Variants in HDAC8 observed in about 807,000 individuals in gnomAD.
HDAC8 encodes the protein histone deacetylase 8.
In HDAC8, 1 loss-of-function variant was observed where a neutral mutation model predicts 32.2. The ratio of observed to expected loss-of-function variants is 0.03; its 90% CI spans 0.01 to 0.15. The LOEUF (loss-of-function observed/expected upper bound fraction) is 0.15. Ranked by LOEUF, HDAC8 falls within the 10% of genes least tolerant of loss-of-function variation. The pLI, the probability that HDAC8 is intolerant of heterozygous loss-of-function variation, is 1.00. For missense variants in HDAC8, 117 were observed against 300.0 expected, an observed-to-expected ratio of 0.39 and a Z score of 4.51; for synonymous variants, 108 against 113.9, an observed-to-expected ratio of 0.95 and a Z score of 0.33.
At chrX:72,550,627 T>C (rs781843842) in intron 4 of HDAC8, among the ~76,000 whole-genome samples, 2 of 110,853 alleles carry the variant, frequency 1.8e-5, no homozygotes, top group African/African-American at 3.3e-5. Flanking sequence ...GCCCACTAAA[T>C]TGATATAATG....
At chrX:72,408,794 G>A (rs782363859) in intron 9 of HDAC8, among the ~76,000 whole-genome samples, 1 of 111,648 alleles carries the variant, frequency 9.0e-6, no homozygotes, top group East Asian at 2.8e-4. Context: ...CAGCAAGAAG[G>A]GCCTATGTGG....
At chrX:72,332,917 G>T (rs895217803) in intron 10 of HDAC8, among the ~76,000 whole-genome samples, 2 of 111,520 alleles carry the variant, frequency 1.8e-5, no homozygotes, top group Admixed American at 9.5e-5. Flanking sequence ...CTCCCAAAGT[G>T]CTGGGATTAC....
intron 4 of HDAC8, among the ~76,000 whole-genome samples, chrX:72,542,804 C>T (rs983977395): frequency 6.2e-5 from 7 of 112,085 alleles, no homozygotes; most frequent in Admixed American, 1.9e-4. Flanking sequence ...AGTCTGTGCC[C>T]AAATGAAATC....
intron 9 of HDAC8, among the ~76,000 whole-genome samples, chrX:72,425,634 C>T (rs781813004): frequency 8.9e-6 from 1 of 112,121 alleles, no homozygotes; most frequent in South Asian, 3.7e-4. Context: ...GATAAACTAA[C>T]TACTTCCTAA....
At chrX:72,414,128 C>T (rs1555971082) in intron 9 of HDAC8, among the ~76,000 whole-genome samples, 2 of 112,255 alleles carry the variant, frequency 1.8e-5, no homozygotes, top group Non-Finnish European at 3.8e-5. Context: ...TGGTTTTACC[C>T]ATTAAATTAC....
chrX:72,522,508 T>G (rs2050013080), intron 4 of HDAC8, among the ~76,000 whole-genome samples: 1 of 112,256 alleles, frequency 8.9e-6, no homozygotes, highest in Non-Finnish European at 1.9e-5. Flanking sequence ...TTTTTAATCT[T>G]CATCTTACTT....
intron 4 of HDAC8, among the ~76,000 whole-genome samples, chrX:72,563,249 T>C (rs909473286): frequency 8.9e-6 from 1 of 111,750 alleles, no homozygotes; most frequent in Non-Finnish European, 1.9e-5. Context: ...TTATAATCAT[T>C]ATTTAAAATA....
chrX:72,508,036 A>T (rs1210622069), intron 4 of HDAC8, among the ~76,000 whole-genome samples: 1 of 112,243 alleles, frequency 8.9e-6, no homozygotes, highest in African/African-American at 3.2e-5. Context: ...AGGCACAACC[A>T]GATACCTGCT....
At chrX:72,498,550 T>C (rs781821864) in intron 4 of HDAC8, among the ~76,000 whole-genome samples, 1 of 111,965 alleles carries the variant, frequency 8.9e-6, no homozygotes, top group Non-Finnish European at 1.9e-5. Context: ...TTCCAGTCAT[T>C]AGTTTTCAAC....
chrX:72,391,221 T>C (rs2045603973), intron 9 of HDAC8, among the ~76,000 whole-genome samples: 1 of 112,143 alleles, frequency 8.9e-6, no homozygotes, highest in African/African-American at 3.2e-5. Flanking sequence ...GAATCTGTGT[T>C]ACTGAGGACT....
chrX:72,378,403 C>T (rs1445287043), intron 9 of HDAC8, among the ~76,000 whole-genome samples: 1 of 111,641 alleles, frequency 9.0e-6, no homozygotes, highest in Non-Finnish European at 1.9e-5. Context: ...CCTTCCTACT[C>T]TTTGACCTTT....
At chrX:72,453,476 G>T (rs1404011606) in intron 9 of HDAC8, among the ~76,000 whole-genome samples, 2 of 95,837 alleles carry the variant, frequency 2.1e-5, no homozygotes, top group African/African-American at 7.9e-5. Context: ...AAGAAAGAAA[G>T]AAAGAAAGAA....
intron 4 of HDAC8, among the ~76,000 whole-genome samples, chrX:72,545,912 A>C (rs1349610911): frequency 2.7e-5 from 3 of 111,518 alleles, no homozygotes; most frequent in African/African-American, 9.8e-5. Context: ...ATTTTCATGC[A>C]GTTATTTATT....
intron 4 of HDAC8, among the ~76,000 whole-genome samples, chrX:72,559,649 C>T (rs1279818300): frequency 1.4e-4 from 15 of 106,512 alleles, no homozygotes; most frequent in East Asian, 9.1e-4. Context: ...GGCCGCCCAT[C>T]GTCTGAGATG....
chrX:72,454,252 G>A (rs2047665290), intron 9 of HDAC8, among the ~76,000 whole-genome samples: 1 of 112,072 alleles, frequency 8.9e-6, no homozygotes, highest in Non-Finnish European at 1.9e-5. Context: ...GGCCAGAGAG[G>A]AGCAAAGCAT....
intron 7 of HDAC8, chrX:72,480,359 AT>A (rs1569330723): frequency 9.1e-6 from 3 of 328,636 alleles, no homozygotes; most frequent in Non-Finnish European, 1.2e-5. Flanking sequence ...TTGTAATGAA[AT>A]GGGGAATGTA....
intron 1 of HDAC8, 22 bp from the exon 2 acceptor site, chrX:72,572,131 A>T: frequency 8.6e-7 from 1 of 1,161,830 alleles, no homozygotes; most frequent in South Asian, 2.0e-5. Context: ...AGCGTAAAAA[A>T]AAAAAAAGAA....
intron 9 of HDAC8, among the ~76,000 whole-genome samples, chrX:72,390,172 T>A (rs895950049): frequency 2.7e-4 from 30 of 111,740 alleles, no homozygotes; most frequent in African/African-American, 9.8e-4. Flanking sequence ...GTCTTTGTGT[T>A]ATGAACATTC....
At chrX:72,370,240 T>C (rs1387608129) in intron 9 of HDAC8, among the ~76,000 whole-genome samples, 2 of 112,442 alleles carry the variant, frequency 1.8e-5, no homozygotes, top group South Asian at 3.7e-4. Flanking sequence ...ATATGCCTAA[T>C]GTATGGGCCT....
Sources: gnomAD v4.1 joint callset for allele counts (sites outside exome capture counted in the v4.1 genomes callset) on GRCh38, gnomAD v4.1.1 for gene constraint, MANE v1.5 for transcripts, NCBI Gene and HGNC (gene_info 2026-07-23, HGNC 2026-07-21) for gene names.